TUBGCP3: variants seen among roughly 807,000 people sequenced by gnomAD.
TUBGCP3 encodes tubulin gamma complex component 3.
Under a neutral mutation model 123.1 loss-of-function variants are expected in TUBGCP3, and 50 were observed. The observed-to-expected ratio is 0.41, with a 90% CI of 0.32 to 0.51. TUBGCP3 has a LOEUF of 0.51. Among genes scored for constraint, TUBGCP3 ranks in the 20% least tolerant of loss-of-function variants. The pLI is 0.36. For missense variants in TUBGCP3, 882 were observed against 1,127.0 expected (o/e 0.78, Z 3.11); for synonymous variants, 405 against 413.9 (o/e 0.98, Z 0.26).
At chr13:112,551,241 C>T (rs141870288) in intron 8 of TUBGCP3, among the ~76,000 whole-genome samples, 81 of 152,348 alleles carry the variant, frequency 5.3e-4, no homozygotes, top group African/African-American at 1.8e-3. Context: ...AGGCAGAGCG[C>T]GGCAGCGCCA....
At chr13:112,556,289 G>T (rs1360496604) in intron 5 of TUBGCP3, 65 bp from the exon 6 acceptor site, 1 of 1,500,946 alleles carries the variant, frequency 6.7e-7, no homozygotes, top group African/African-American at 1.4e-5. Context: ...AGTGTCCCTA[G>T]AAATTTCTCT....
intron 13 of TUBGCP3, among the ~76,000 whole-genome samples, chr13:112,525,806 A>G (rs1006198907): frequency 2.6e-5 from 4 of 152,214 alleles, no homozygotes; most frequent in African/African-American, 9.7e-5. Flanking sequence ...ACCATTAGCA[A>G]TATTTTTTCT....
intron 13 of TUBGCP3, among the ~76,000 whole-genome samples, chr13:112,526,555 ACAT>A (rs1474946738): frequency 2.0e-5 from 3 of 150,266 alleles, no homozygotes; most frequent in Admixed American, 2.0e-4. Flanking sequence ...CCCATCCCCA[ACAT>A]CATCACATCA....
At chr13:112,532,579 C>G (rs1230058152) in intron 11 of TUBGCP3, among the ~76,000 whole-genome samples, 1 of 152,182 alleles carries the variant, frequency 6.6e-6, no homozygotes, top group Non-Finnish European at 1.5e-5. Flanking sequence ...ATTGGCATAA[C>G]TTGTTTACCT....
chr13:112,592,009 T>C (rs2139358838), upstream of TUBGCP3, among the ~76,000 whole-genome samples: 1 of 152,256 alleles, frequency 6.6e-6, no homozygotes, highest in Non-Finnish European at 1.5e-5. The surrounding 1 kb of genome is among the most constrained non-coding windows in gnomAD (Gnocchi z 4.1). Flanking sequence ...ATCTACACCA[T>C]TGTGTTACAG....
At chr13:112,582,025 A>T (rs1002254413) in intron 1 of TUBGCP3, among the ~76,000 whole-genome samples, 1 of 152,218 alleles carries the variant, frequency 6.6e-6, no homozygotes, top group East Asian at 1.9e-4. Context: ...AAATATTTTT[A>T]AAAATCCAAC....
In TUBGCP3 at chr13:112,485,439, G is replaced by C. The variant is rs548594108; in HGVS notation, c.*554C>G. The stretch of plus-strand genomic sequence containing the variant: ...GAAAATAAGAATAAATATGTGTAAA[G>C]GTAATGCATTAAGATACAAAGGATC... On this transcript the variant is annotated 3_prime_UTR_variant, in exon 22 of 22. Coordinates refer to ENST00000261965, the MANE Select transcript of TUBGCP3 (RefSeq NM_006322.6). 6.6e-6 allele frequency: 1 copy of C among 152,468 alleles called. No individual in the cohort carries two copies. The highest frequency in any genetic ancestry group is 2.1e-4 in the South Asian group (1 of 4,824). 9.4% of individuals were successfully genotyped at this position (152,468 alleles called of 1,614,324 possible). A position where few individuals can be genotyped will look rare whatever the true frequency, so the allele number is the denominator to read the frequency against.
intron 17 of TUBGCP3, among the ~76,000 whole-genome samples, chr13:112,504,979 T>C (rs1881195409): frequency 6.6e-6 from 1 of 152,218 alleles, no homozygotes. Flanking sequence ...TATAATTGTA[T>C]TTAAAAATTA....
chr13:112,485,195 C>T lies in TUBGCP3; in HGVS notation c.*798G>A, dbSNP rs907862367. The T allele has an allele frequency of 2.0e-5, 3 of 152,380 alleles. No homozygotes were observed. The highest frequency in any genetic ancestry group is 7.3e-5 in the African/African-American group (3 of 41,354). 9.4% of individuals were successfully genotyped at this position (152,380 alleles called of 1,614,324 possible). On this transcript the variant is annotated 3_prime_UTR_variant, in exon 22 of 22. Transcript: ENST00000261965. ...AAAAGGAAATCTTCATTATCCATGT[C>T]GATTTCTTTCCAATGCTTATCAGGA... is the stretch of plus-strand genomic sequence containing the variant.
intron 10 of TUBGCP3, 169 bp downstream of exon 10, chr13:112,547,451 A>G: frequency 8.5e-7 from 1 of 1,172,772 alleles, no homozygotes; most frequent in South Asian, 3.2e-5. Flanking sequence ...CACAAAAGCA[A>G]GCCTGGATGG....
intron 6 of TUBGCP3, among the ~76,000 whole-genome samples, chr13:112,555,494 T>A (rs763495146): frequency 6.6e-6 from 1 of 152,226 alleles, no homozygotes; most frequent in Admixed American, 6.5e-5. Flanking sequence ...TGCTGCTAAC[T>A]GTAGTGTTCT....
rs1876429217 is a variant in TUBGCP3, at chr13:112,519,430, G to A, written c.1882-387C>T. Among the ~76,000 whole-genome samples the A allele has an allele frequency of 6.6e-6, 1 of 152,148 alleles. No homozygotes were observed. Among genetic ancestry groups the A allele is most frequent in the Non-Finnish European group, 1.5e-5 (1 of 68,034 alleles). On this transcript the variant is annotated intron_variant, in intron 15 of 21. Transcript: ENST00000261965. The surrounding 1 kb of genome is among the most constrained non-coding windows in gnomAD (Gnocchi z 6.2). ...CTTCCATCACAACTAAGTAAATAGTGGGTTTATGTTCATAATAACCACACC... is the reference window on the plus strand; with the variant it reads ...CTTCCATCACAACTAAGTAAATAGTAGGTTTATGTTCATAATAACCACACC...
intron 21 of TUBGCP3, among the ~76,000 whole-genome samples, chr13:112,487,997 T>C (rs1441812483): frequency 5.9e-5 from 9 of 151,900 alleles, no homozygotes; most frequent in African/African-American, 2.2e-4. Flanking sequence ...CCGGGTGTGG[T>C]GGCGCGTGCC....
intron 2 of TUBGCP3, among the ~76,000 whole-genome samples, chr13:112,567,460 T>C (rs1243047103): frequency 6.6e-6 from 1 of 152,226 alleles, no homozygotes; most frequent in Non-Finnish European, 1.5e-5. Flanking sequence ...TGCTGGAGTC[T>C]TCAGTAATCA....
rs372066615 is a variant in TUBGCP3, at chr13:112,578,525, G to C, written c.77-9266C>G. ...AGTGAGCCGGGATAGCGCCACTGCA[G>C]TCCAGCTTGGGCGAAAGAGTGAGAC... On this transcript the variant is annotated intron_variant, in intron 1 of 21. Transcript: ENST00000261965. Among the ~76,000 whole-genome samples the C allele has an allele frequency of 7.1e-3, 837 of 118,000 alleles. 9 individuals are homozygous for C. Among genetic ancestry groups the C allele is most frequent in the African/African-American group, 0.026 (763 of 29,454 alleles). The allele number at this position is 118,000 out of a possible 152,430, so 77.4% of individuals were successfully genotyped here. A position where few individuals can be genotyped will look rare whatever the true frequency, so the allele number is the denominator to read the frequency against.
rs1275425676 is a variant in TUBGCP3, at chr13:112,527,501, A to G, written c.1336-17T>C. On this transcript the variant is annotated splice_polypyrimidine_tract_variant and intron_variant, in intron 11 of 21. Coordinates refer to ENST00000261965, the MANE Select transcript of TUBGCP3 (RefSeq NM_006322.6). ...TACAAAAAACTGAAAGCAAAGGGGC[A>G]TGGAAATGTTCAAGAGTGATATTTA... 6 of 1,561,456 alleles carry G rather than the reference A, an allele frequency of 3.8e-6. No individual in the cohort carries two copies. In the African/African-American group the frequency reaches 6.8e-5, roughly 18 times the overall value.
intron 11 of TUBGCP3, 108 bp from the exon 12 acceptor site, chr13:112,527,592 C>A: frequency 2.8e-6 from 2 of 714,832 alleles, no homozygotes; most frequent in East Asian, 2.6e-5. Flanking sequence ...GTTCTCCAGA[C>A]ACAGGGAGTC....
At chr13:112,592,756 CAG>C (rs1882904036), upstream of TUBGCP3, among the ~76,000 whole-genome samples, 3 of 152,334 alleles carry the variant, frequency 2.0e-5, no homozygotes, top group East Asian at 3.9e-4. The surrounding 1 kb of genome is among the most constrained non-coding windows in gnomAD (Gnocchi z 4.1). Flanking sequence ...GGGTTGGGCA[CAG>C]GGGATACCCA....
At chr13:112,500,161 C>T (rs901496751) in intron 19 of TUBGCP3, among the ~76,000 whole-genome samples, 1 of 152,126 alleles carries the variant, frequency 6.6e-6, no homozygotes. Flanking sequence ...AAAAAACACA[C>T]TAACAGTCTG....
Sources: gnomAD v4.1 joint callset for allele counts (sites outside exome capture counted in the v4.1 genomes callset) on GRCh38, gnomAD v4.1.1 for gene constraint, Gnocchi (gnomAD v3.1) non-coding constraint, MANE v1.5 for transcripts, NCBI Gene and HGNC (gene_info 2026-07-23, HGNC 2026-07-21) for gene names.